NHSL1: variants seen among roughly 807,000 people sequenced by gnomAD.
NHSL1 encodes the protein NHS-like protein 1.
Under a neutral mutation model 95.0 loss-of-function variants are expected in NHSL1, and 48 were observed. The ratio of observed to expected loss-of-function variants is 0.51; its 90% confidence interval spans 0.40 to 0.64. The LOEUF is 0.64. Among genes scored for constraint, NHSL1 ranks in the 30% least tolerant of loss-of-function variants. The pLI, the probability that NHSL1 is intolerant of heterozygous loss-of-function variation, is 0.00. For missense variants in NHSL1, 1,971 were observed against 2,077.7 expected (o/e 0.95, Z 1.00); for synonymous variants, 783 against 833.9 (o/e 0.94, Z 1.05).
chr6:138,666,644 G>T (rs1785299158), intron 1 of NHSL1, among the ~76,000 whole-genome samples: 1 of 149,106 alleles, frequency 6.7e-6, no homozygotes, highest in African/African-American at 2.5e-5. Flanking sequence ...AACAGACATG[G>T]AAAACTGTGA....
intron 7 of NHSL1, among the ~76,000 whole-genome samples, chr6:138,427,269 G>A (rs368073930): frequency 9.9e-5 from 15 of 152,134 alleles, no homozygotes; most frequent in East Asian, 7.7e-4. Flanking sequence ...GTGAAACCAT[G>A]TCTGTACTAC....
chr6:138,594,810 T>C (rs935863060), intron 1 of NHSL1, among the ~76,000 whole-genome samples: 2 of 152,230 alleles, frequency 1.3e-5, no homozygotes, highest in Admixed American at 6.5e-5. Context: ...ACTTTTTCTT[T>C]TCTAGATGAT....
chr6:138,580,762 A>G (rs1006396396), intron 1 of NHSL1, among the ~76,000 whole-genome samples: 2 of 152,220 alleles, frequency 1.3e-5, no homozygotes, highest in African/African-American at 2.4e-5. Flanking sequence ...AAGTATTAGC[A>G]TGGGTGGAGG....
At chr6:138,657,814 CAAAAAAA>C (rs1051789759) in intron 1 of NHSL1, among the ~76,000 whole-genome samples, 122 of 33,036 alleles carry the variant, frequency 3.7e-3, no homozygotes, top group African/African-American at 6.0e-3. Flanking sequence ...GACTCCATCT[CAAAAAAA>C]AAAAAAAAAA....
intron 1 of NHSL1, among the ~76,000 whole-genome samples, chr6:138,566,526 A>G (rs562658077): frequency 1.3e-5 from 2 of 152,208 alleles, no homozygotes; most frequent in African/African-American, 4.8e-5. Flanking sequence ...ACTCACTTCC[A>G]AACTCAAGCC....
At chr6:138,466,047 G>T (rs1029475420) in intron 3 of NHSL1, among the ~76,000 whole-genome samples, 1 of 146,522 alleles carries the variant, frequency 6.8e-6, no homozygotes, top group Admixed American at 6.9e-5. Context: ...TTTTTGGGGG[G>T]GGGGCAGGGG....
At chr6:138,497,812 CA>C (rs1394164920) in intron 1 of NHSL1, among the ~76,000 whole-genome samples, 3 of 152,208 alleles carry the variant, frequency 2.0e-5, no homozygotes, top group Non-Finnish European at 2.9e-5. Context: ...CTAAATTTTA[CA>C]ATCTTATGAA....
chr6:138,693,080 G>GGCGGCGGCGGCC (rs1192826947), upstream of NHSL1, among the ~76,000 whole-genome samples: 4 of 151,462 alleles, frequency 2.6e-5, no homozygotes, highest in South Asian at 2.1e-4. This position sits in a 1 kb window ranked among gnomAD's most constrained non-coding sequence, Gnocchi z 4.3. Flanking sequence ...GGCAGCTCTG[G>GGCGGCGGCGGCC]GCGGCGGCGG....
At chr6:138,656,030 G>A (rs1785151929) in intron 1 of NHSL1, among the ~76,000 whole-genome samples, 1 of 152,188 alleles carries the variant, frequency 6.6e-6, no homozygotes, top group South Asian at 2.1e-4. Context: ...TCTTCTTTCT[G>A]CCTTCAATGG....
intron 1 of NHSL1, among the ~76,000 whole-genome samples, chr6:138,652,610 G>C (rs1226316896): frequency 6.6e-6 from 1 of 152,068 alleles, no homozygotes; most frequent in Non-Finnish European, 1.5e-5. Context: ...AGAATCAGTT[G>C]AAGTAAAACA....
chr6:138,434,592 A>C (rs1203178204), intron 5 of NHSL1, among the ~76,000 whole-genome samples: 1 of 152,222 alleles, frequency 6.6e-6, no homozygotes, highest in South Asian at 2.1e-4. Context: ...CTGAGAAAAA[A>C]AAAAGTCAAT....
At chr6:138,603,198 G>A (rs1784392967) in intron 1 of NHSL1, among the ~76,000 whole-genome samples, 2 of 152,040 alleles carry the variant, frequency 1.3e-5, no homozygotes, top group South Asian at 4.1e-4. Flanking sequence ...GATTCTGAGG[G>A]GTTTTTTTAA....
At chr6:138,596,186 A>G (rs1247584953) in intron 1 of NHSL1, among the ~76,000 whole-genome samples, 3 of 152,164 alleles carry the variant, frequency 2.0e-5, no homozygotes, top group Non-Finnish European at 2.9e-5. Flanking sequence ...CTGCCTGGCA[A>G]TGGAGTAAAC....
intron 1 of NHSL1, among the ~76,000 whole-genome samples, chr6:138,649,846 T>A (rs1340200499): frequency 1.3e-5 from 2 of 152,186 alleles, no homozygotes; most frequent in East Asian, 3.8e-4. Context: ...GGCTCTGGGC[T>A]GACTGGAGGG....
intron 1 of NHSL1, among the ~76,000 whole-genome samples, chr6:138,581,650 C>T (rs1784057837): frequency 6.9e-6 from 1 of 144,322 alleles, no homozygotes; most frequent in Admixed American, 7.0e-5. Flanking sequence ...CGAGATCATG[C>T]CACCGTACTC....
intron 1 of NHSL1, among the ~76,000 whole-genome samples, chr6:138,661,451 T>C (rs922943669): frequency 6.7e-6 from 1 of 148,270 alleles, no homozygotes; most frequent in Non-Finnish European, 1.5e-5. Context: ...GCTGAGATCA[T>C]AACATTCCAC....
chr6:138,673,344 T>A (rs941435783), intron 1 of NHSL1, among the ~76,000 whole-genome samples: 5 of 152,024 alleles, frequency 3.3e-5, no homozygotes, highest in Admixed American at 3.3e-4. Context: ...CTCTTCTTAT[T>A]TTGTCCTGCC....
At chr6:138,560,346 A>T (rs1327344245) in intron 1 of NHSL1, among the ~76,000 whole-genome samples, 2 of 152,236 alleles carry the variant, frequency 1.3e-5, no homozygotes, top group South Asian at 2.1e-4. Flanking sequence ...TTCATAAAGC[A>T]TCAATAGCAC....
chr6:138,600,850 A>T (rs1015136259), intron 1 of NHSL1, among the ~76,000 whole-genome samples: 2 of 152,224 alleles, frequency 1.3e-5, no homozygotes, highest in African/African-American at 2.4e-5. Context: ...TAGAAAATTC[A>T]TCCCACAAAA....
Sources: gnomAD v4.1 joint callset for allele counts (sites outside exome capture counted in the v4.1 genomes callset) on GRCh38, gnomAD v4.1.1 for gene constraint, Gnocchi (gnomAD v3.1) non-coding constraint, MANE v1.5 for transcripts, NCBI Gene and HGNC (gene_info 2026-07-23, HGNC 2026-07-21) for gene names.